Variants in HHAT observed in about 807,000 individuals in gnomAD.
HHAT encodes the protein protein-cysteine N-palmitoyltransferase HHAT.
A neutral mutation model predicts 70.8 loss-of-function variants in HHAT; 47 were observed. The observed-to-expected ratio is 0.66, with a 90% CI of 0.53 to 0.85. The LOEUF is 0.85. Among genes scored for constraint, HHAT ranks in the 40% least tolerant of loss-of-function variants. HHAT has a pLI of 0.00. For missense variants in HHAT, 609 were observed against 604.8 expected (o/e 1.01, Z -0.07); for synonymous variants, 228 against 247.6 (o/e 0.92, Z 0.74).
At chr1:210,522,804 A>G (rs1449481999) in intron 9 of HHAT, among the ~76,000 whole-genome samples, 1 of 149,894 alleles carries the variant, frequency 6.7e-6, no homozygotes. Context: ...GAATCAGAGT[A>G]ACAGGATTCG....
rs151080541 is a variant in HHAT, at chr1:210,417,417, T to G, written c.685-737T>G. 9.9e-5 allele frequency among the ~76,000 whole-genome samples: 15 copies of G among 152,222 alleles called. No homozygotes were observed. In the East Asian group the frequency reaches 2.9e-3, roughly 29 times the overall value. ...GCCCAGCTAGTTTTTGTAGTTTTAGTAGAGATGGGGTTTCACCATATTGGC... is the reference window on the plus strand; with the variant it reads ...GCCCAGCTAGTTTTTGTAGTTTTAGGAGAGATGGGGTTTCACCATATTGGC... On this transcript the variant is annotated intron_variant, in intron 6 of 11. Coordinates refer to ENST00000261458, the MANE Select transcript of HHAT (RefSeq NM_018194.6).
intron 7 of HHAT, among the ~76,000 whole-genome samples, chr1:210,436,373 C>A (rs1365330982): frequency 6.6e-6 from 1 of 151,302 alleles, no homozygotes; most frequent in Non-Finnish European, 1.5e-5. Flanking sequence ...TGTAGCTTTG[C>A]AGTATATTTT....
intron 7 of HHAT, among the ~76,000 whole-genome samples, chr1:210,419,757 T>C (rs2092839100): frequency 6.6e-6 from 1 of 152,226 alleles, no homozygotes; most frequent in Non-Finnish European, 1.5e-5. Flanking sequence ...AACAAAACTT[T>C]TTATAGTTTG....
Position 210,464,511 on chromosome 1 carries a change from T to A in HHAT, c.863T>A (p.Leu288Gln). Residue 288 changes from leucine to glutamine, a missense_variant, in exon 8 of 12, where the codon CTG (leucine) becomes CAG (glutamine). By Grantham distance (113) the Leu-to-Gln change is moderately radical. Coordinates refer to ENST00000261458, the MANE Select transcript of HHAT (RefSeq NM_018194.6). ...TGGTCTGTTTGCCTTTCAGGAGGAC[T>A]GGCGTTAGCCCAGGTGCTCTTTTTC... Reference protein sequence around the residue: ...ETVSCWTLGGLALAQVLFFYV... With the variant: ...ETVSCWTLGGQALAQVLFFYV... The A allele has an allele frequency of 6.2e-7, 1 of 1,614,220 alleles. No individual in the cohort carries two copies. Among genetic ancestry groups the A allele is most frequent in the Non-Finnish European group, 8.5e-7 (1 of 1,180,014 alleles).
chr1:210,364,530 C>G (rs547901409), intron 3 of HHAT, among the ~76,000 whole-genome samples: 6 of 152,344 alleles, frequency 3.9e-5, no homozygotes, highest in African/African-American at 1.4e-4. Flanking sequence ...AGACTTTTAG[C>G]TGCAGAGGAA....
At chr1:210,653,977 T>G (rs28739298) in intron 11 of HHAT, among the ~76,000 whole-genome samples, 1 of 214 alleles carries the variant, frequency 4.7e-3, no homozygotes, top group Non-Finnish European at 0.01. Context: ...AATAGTGTGA[T>G]GGGAATAGTG....
intron 11 of HHAT, among the ~76,000 whole-genome samples, chr1:210,662,663 T>C (rs1368183801): frequency 6.6e-6 from 1 of 151,858 alleles, no homozygotes; most frequent in African/African-American, 2.4e-5. Context: ...AGAGAAAATA[T>C]TTGTTTTTTT....
At chr1:210,476,289 C>A (rs1033132820) in intron 8 of HHAT, among the ~76,000 whole-genome samples, 1 of 152,184 alleles carries the variant, frequency 6.6e-6, no homozygotes, top group Non-Finnish European at 1.5e-5. Context: ...TCTTGGTATA[C>A]TAACAAATTC....
chr1:210,534,240 G>A (rs956168626), intron 9 of HHAT, among the ~76,000 whole-genome samples: 46 of 152,188 alleles, frequency 3.0e-4, no homozygotes, highest in African/African-American at 9.9e-4. Flanking sequence ...GGAGCCTGTC[G>A]AGTTTTCTTT....
chr1:210,340,242 G>GGGGGGAA (rs1553313987), intron 1 of HHAT, among the ~76,000 whole-genome samples: 1 of 99,782 alleles, frequency 1.0e-5, no homozygotes, highest in African/African-American at 3.4e-5. Context: ...CTCTGTCTCA[G>GGGGGGAA]AAAAAAAAAA....
intron 11 of HHAT, among the ~76,000 whole-genome samples, chr1:210,626,299 G>C (rs1311477422): frequency 2.0e-5 from 3 of 152,194 alleles, no homozygotes; most frequent in African/African-American, 7.2e-5. Context: ...AACCCGGTCT[G>C]CTGCTGCCTC....
chr1:210,460,714 G>A (rs2093962295), intron 7 of HHAT, among the ~76,000 whole-genome samples: 1 of 152,176 alleles, frequency 6.6e-6, no homozygotes, highest in Admixed American at 6.5e-5. Context: ...GGATCTGAAG[G>A]ATACATAGTA....
At chr1:210,450,569 C>A (rs542707951) in intron 7 of HHAT, among the ~76,000 whole-genome samples, 1 of 149,710 alleles carries the variant, frequency 6.7e-6, no homozygotes, top group African/African-American at 2.4e-5. Flanking sequence ...TGAGCTACCG[C>A]ACCTGGCCAT....
chr1:210,565,574 AG>A (rs1654511019), intron 9 of HHAT, among the ~76,000 whole-genome samples: 1 of 152,210 alleles, frequency 6.6e-6, no homozygotes, highest in African/African-American at 2.4e-5. Context: ...CAAACAAGGA[AG>A]TATCTAAAAA....
In HHAT at chr1:210,651,603, C is replaced by T. The variant is rs547428343; in HGVS notation, c.1391-22685C>T. Among the ~76,000 whole-genome samples, 65 of 152,304 alleles carry T rather than the reference C, an allele frequency of 4.3e-4. 1 individual carries two copies. In the South Asian group the frequency reaches 8.5e-3, roughly 20 times the overall value. On this transcript the variant is annotated intron_variant, in intron 11 of 11. Coordinates refer to ENST00000261458, the MANE Select transcript of HHAT (RefSeq NM_018194.6). ...TCTCAGACCCCAAGGGAGGTGAGTG[C>T]TGTTGAGGTTGAGAGTGTCGGTAGA...
At chr1:210,595,701 T>C (rs1662826929) in intron 10 of HHAT, among the ~76,000 whole-genome samples, 1 of 152,250 alleles carries the variant, frequency 6.6e-6, no homozygotes, top group Non-Finnish European at 1.5e-5. Context: ...TTGATTTGCG[T>C]TTCTCTGATG....
intron 11 of HHAT, among the ~76,000 whole-genome samples, chr1:210,667,161 T>C (rs1370223067): frequency 2.6e-5 from 4 of 151,428 alleles, no homozygotes; most frequent in African/African-American, 9.7e-5. Context: ...GGCAGGTGGA[T>C]CACCTTGGGT....
intron 9 of HHAT, among the ~76,000 whole-genome samples, chr1:210,555,766 C>T (rs1242501528): frequency 1.3e-5 from 2 of 152,094 alleles, no homozygotes; most frequent in East Asian, 1.9e-4. Context: ...CCCATCAAAC[C>T]CTCTTAGAAG....
chr1:210,556,358 C>T (rs942813583), intron 9 of HHAT, among the ~76,000 whole-genome samples: 2 of 152,170 alleles, frequency 1.3e-5, no homozygotes, highest in Admixed American at 1.3e-4. Context: ...GGCTATGTCT[C>T]TTCTGTTTAT....
Sources: gnomAD v4.1 joint callset for allele counts (sites outside exome capture counted in the v4.1 genomes callset) on GRCh38, gnomAD v4.1.1 for gene constraint, MANE v1.5 for transcripts, NCBI Gene and HGNC (gene_info 2026-07-23, HGNC 2026-07-21) for gene names.